CDC42EP4: variants seen among roughly 807,000 people sequenced by gnomAD.
CDC42EP4 encodes CDC42 effector protein (Rho GTPase binding) 4.
CDC42EP4 carries 6 observed loss-of-function variants against 5.6 expected under a neutral mutation model. The ratio of observed to expected loss-of-function variants is 1.07; its 90% CI spans 0.59 to 2.12. CDC42EP4 has a LOEUF of 2.12. CDC42EP4 is among the 30% of genes most tolerant of loss of function. CDC42EP4 has a pLI of 0.00. For synonymous variants in CDC42EP4, 230 were observed against 224.2 expected (o/e 1.03, Z -0.23); for missense variants, 490 against 508.6 (o/e 0.96, Z 0.35).
At chr17:73,294,508 T>A (rs1286340239) in intron 1 of CDC42EP4, among the ~76,000 whole-genome samples, 2 of 152,156 alleles carry the variant, frequency 1.3e-5, no homozygotes, top group African/African-American at 2.4e-5. Context: ...AAGACCAAAT[T>A]AAGGGACTTG....
intron 1 of CDC42EP4, among the ~76,000 whole-genome samples, chr17:73,306,215 C>A (rs1462083232): frequency 6.6e-6 from 1 of 152,020 alleles, no homozygotes; most frequent in South Asian, 2.1e-4. Context: ...ACAGGCCAGG[C>A]ACCGTGGCTC....
At chr17:73,288,649 C>T (rs2062145625) in intron 1 of CDC42EP4, among the ~76,000 whole-genome samples, 1 of 152,096 alleles carries the variant, frequency 6.6e-6, no homozygotes. Flanking sequence ...CAACCGCCTC[C>T]AAGCACCCAC....
intron 1 of CDC42EP4, among the ~76,000 whole-genome samples, chr17:73,301,744 T>G (rs1854354305): frequency 6.9e-6 from 1 of 144,226 alleles, no homozygotes; most frequent in South Asian, 2.2e-4. Context: ...CAAGTCTGTA[T>G]TGCCGAGACT....
intron 1 of CDC42EP4, among the ~76,000 whole-genome samples, chr17:73,293,988 T>C (rs747022909): frequency 6.6e-6 from 1 of 152,180 alleles, no homozygotes; most frequent in Non-Finnish European, 1.5e-5. Context: ...CATCTGGAAG[T>C]GTGCTGCGTG....
At position 73,286,508 on chromosome 17, in the gene CDC42EP4, G is replaced by C. The variant is rs761115198; in HGVS notation, c.-8C>G. The C allele has an allele frequency of 5.1e-6, 8 of 1,573,370 alleles. No individual in the cohort carries two copies. The highest frequency in any genetic ancestry group is 6.9e-6 in the Non-Finnish European group (8 of 1,157,116). ...TTGCTTGAGGATTGGCATCTTGCTG[G>C]ATGGGCGGGGAGGTGGGCCCTCCCG... On this transcript the variant is annotated 5_prime_UTR_variant, in exon 2 of 2. It adds an upstream start codon to the 5' untranslated region. Transcript: ENST00000335793. This position sits in a 1 kb window ranked among gnomAD's most constrained non-coding sequence, Gnocchi z 7.7.
chr17:73,296,156 C>T (rs980441564), intron 1 of CDC42EP4, among the ~76,000 whole-genome samples: 10 of 147,764 alleles, frequency 6.8e-5, no homozygotes, highest in South Asian at 4.3e-4. Flanking sequence ...GAGGCCGAGG[C>T]GGGTGGACCA....
chr17:73,291,229 T>G (rs1052315433), intron 1 of CDC42EP4, among the ~76,000 whole-genome samples: 2 of 152,164 alleles, frequency 1.3e-5, no homozygotes, highest in African/African-American at 4.8e-5. Flanking sequence ...GAAAGCCATC[T>G]TCAATAACCA....
At chr17:73,298,881 C>G (rs2062202128) in intron 1 of CDC42EP4, among the ~76,000 whole-genome samples, 1 of 152,168 alleles carries the variant, frequency 6.6e-6, no homozygotes. Flanking sequence ...AAGGAGGCTG[C>G]CCTGATTGCC....
At chr17:73,297,906 G>A (rs1006591457) in intron 1 of CDC42EP4, among the ~76,000 whole-genome samples, 2 of 150,322 alleles carry the variant, frequency 1.3e-5, no homozygotes, top group African/African-American at 2.5e-5. Context: ...CAATCCACCC[G>A]CCTCAGCCTC....
At chr17:73,288,072 CT>C (rs1378360536) in intron 1 of CDC42EP4, among the ~76,000 whole-genome samples, 1 of 152,222 alleles carries the variant, frequency 6.6e-6, no homozygotes, top group Non-Finnish European at 1.5e-5. Context: ...AATGCAACCC[CT>C]GCCACACCCA....
In CDC42EP4 at chr17:73,284,522, C is replaced by CCCAGACTCCAGTCCGCTAATCGCCA. The variant is rs1179000669; in HGVS notation, c.*883_*907dup. The stretch of plus-strand genomic sequence containing the variant: ...AGCTGGTGTCTTTGCCACGGATGTC[C>CCCAGACTCCAGTCCGCTAATCGCCA]CCAGACTCCAGTCCGCTAATCGCCA... On this transcript the variant is annotated 3_prime_UTR_variant, in exon 2 of 2. Transcript: ENST00000335793. 18 of 152,042 alleles carry CCCAGACTCCAGTCCGCTAATCGCCA rather than the reference C, an allele frequency of 1.2e-4. No individual in the cohort carries two copies. The highest frequency in any genetic ancestry group is 2.2e-4 in the Non-Finnish European group (15 of 68,020). The allele number at this position is 152,042 out of a possible 1,614,324, so 9.4% of individuals were successfully genotyped here.
intron 1 of CDC42EP4, among the ~76,000 whole-genome samples, chr17:73,309,194 A>C (rs2062260778): frequency 6.6e-6 from 1 of 151,364 alleles, no homozygotes; most frequent in African/African-American, 2.4e-5. Context: ...CAAAAAATAC[A>C]AAAAATGGCT....
rs1051108352 is a variant in CDC42EP4 at position 73,284,810 on chromosome 17, T to G, written c.*620A>C. The G allele has an allele frequency of 1.3e-5, 2 of 152,270 alleles. No individual in the cohort carries two copies. The highest frequency in any genetic ancestry group is 1.3e-4 in the Admixed American group (2 of 15,276). The allele number at this position is 152,270 out of a possible 1,614,324, so 9.4% of individuals were successfully genotyped here. ...TGGGGGGCTTTCCTTCCATTCTCCATCCTGTTCTCTTCCCCTGGAAAGGGC... is the reference window on the plus strand; with the variant it reads ...TGGGGGGCTTTCCTTCCATTCTCCAGCCTGTTCTCTTCCCCTGGAAAGGGC... On this transcript the variant is annotated 3_prime_UTR_variant, in exon 2 of 2. Transcript: ENST00000335793.
rs897706741 is a variant in CDC42EP4, at chr17:73,284,204, A to T, written c.*1226T>A. ...CTCAGCACTCTGTTTTGGTTTTGCTAAATCTGGCCAACCCTGGCCTCAAAA... is the reference window on the plus strand; with the variant it reads ...CTCAGCACTCTGTTTTGGTTTTGCTTAATCTGGCCAACCCTGGCCTCAAAA... On this transcript the variant is annotated 3_prime_UTR_variant, in exon 2 of 2. Transcript: ENST00000335793. 6.6e-6 allele frequency: 1 copy of T among 152,164 alleles called. No homozygotes were observed. The highest frequency in any genetic ancestry group is 1.5e-5 in the Non-Finnish European group (1 of 68,040). 9.4% of individuals were successfully genotyped at this position (152,164 alleles called of 1,614,324 possible). A position where few individuals can be genotyped will look rare whatever the true frequency, so the allele number is the denominator to read the frequency against.
chr17:73,291,610 G>C (rs1327596579), intron 1 of CDC42EP4, among the ~76,000 whole-genome samples: 1 of 152,150 alleles, frequency 6.6e-6, no homozygotes, highest in Non-Finnish European at 1.5e-5. Context: ...TCAGAAGCAT[G>C]GTGACTCAGC....
At position 73,286,532 on chromosome 17, in the gene CDC42EP4, C is replaced by T. The variant is rs199503438; in HGVS notation, c.-32G>A. 8.0e-5 allele frequency: 122 copies of T among 1,525,770 alleles called. 1 individual carries two copies. The highest frequency in any genetic ancestry group is 3.5e-4 in the South Asian group (28 of 79,886). 94.5% of individuals were successfully genotyped at this position (1,525,770 alleles called of 1,614,324 possible). On this transcript the variant is annotated 5_prime_UTR_variant, in exon 2 of 2. Coordinates refer to ENST00000335793, the MANE Select transcript of CDC42EP4 (RefSeq NM_012121.5). This position sits in a 1 kb window ranked among gnomAD's most constrained non-coding sequence, Gnocchi z 7.7. ...GGATGGGCGGGGAGGTGGGCCCTCC[C>T]GAGGTAGCCGGCAGGTCTGGGGTCA...
At chr17:73,308,898 C>T (rs1462899218) in intron 1 of CDC42EP4, among the ~76,000 whole-genome samples, 3 of 151,384 alleles carry the variant, frequency 2.0e-5, no homozygotes, top group Non-Finnish European at 4.4e-5. Flanking sequence ...ATTAGCCGGG[C>T]GTGGTGGCAT....
chr17:73,304,657 G>T (rs114056161), intron 1 of CDC42EP4, among the ~76,000 whole-genome samples: 1 of 148,908 alleles, frequency 6.7e-6, no homozygotes. Context: ...CATCGGGGTG[G>T]GGGGGGCGGG....
chr17:73,310,743 T>TCTCACACACACA (rs1278137460), intron 1 of CDC42EP4: 2 of 134,540 alleles, frequency 1.5e-5, no homozygotes, highest in African/African-American at 2.9e-5. Flanking sequence ...CCTCCCCCAG[T>TCTCACACACACA]CACACACACA....
Sources: gnomAD v4.1 joint callset for allele counts (sites outside exome capture counted in the v4.1 genomes callset) on GRCh38, gnomAD v4.1.1 for gene constraint, Gnocchi (gnomAD v3.1) non-coding constraint, MANE v1.5 for transcripts, NCBI Gene and HGNC (gene_info 2026-07-23, HGNC 2026-07-21) for gene names.